Variants in ST7 observed in about 807,000 individuals in gnomAD.
ST7 encodes the protein suppression of tumorigenicity 7.
In ST7, 28 loss-of-function variants were observed where a neutral mutation model predicts 78.7. The ratio of observed to expected loss-of-function variants is 0.36; its 90% CI spans 0.26 to 0.49. The LOEUF (loss-of-function observed/expected upper bound fraction) is 0.49, where lower values mean the gene tolerates loss of function less well. ST7 is among the 20% of genes least tolerant of loss of function. The pLI, the probability that ST7 is intolerant of heterozygous loss-of-function variation, is 0.99. For missense variants in ST7, 418 were observed against 696.0 expected (o/e 0.60, Z 4.49); for synonymous variants, 247 against 249.6 (o/e 0.99, Z 0.10).
intron 9 of ST7, among the ~76,000 whole-genome samples, chr7:117,163,090 G>A (rs1807281198): frequency 2.0e-5 from 3 of 152,076 alleles, no homozygotes; most frequent in Non-Finnish European, 4.4e-5. Context: ...CATCCATCTT[G>A]CTGCCAATGA....
At chr7:117,147,328 G>T (rs192446020) in intron 9 of ST7, among the ~76,000 whole-genome samples, 42 of 152,222 alleles carry the variant, frequency 2.8e-4, no homozygotes, top group African/African-American at 9.6e-4. Context: ...TAGGCTGTGG[G>T]ATTATATACG....
At chr7:117,085,560 C>A (rs1177538017) in intron 1 of ST7, among the ~76,000 whole-genome samples, 1 of 152,194 alleles carries the variant, frequency 6.6e-6, no homozygotes, top group Non-Finnish European at 1.5e-5. Flanking sequence ...CTGTGAAACT[C>A]CACATGTTCA....
At chr7:117,092,726 C>T (rs1800726846) in intron 1 of ST7, among the ~76,000 whole-genome samples, 1 of 152,128 alleles carries the variant, frequency 6.6e-6, no homozygotes, top group African/African-American at 2.4e-5. Flanking sequence ...CAGTCTGAGG[C>T]GAAGTCCCTG....
intron 1 of ST7, among the ~76,000 whole-genome samples, chr7:117,067,430 A>G (rs973490542): frequency 1.3e-5 from 2 of 152,200 alleles, no homozygotes; most frequent in African/African-American, 2.4e-5. Context: ...AGACCCCAGT[A>G]TAGAACTGAG....
intron 1 of ST7, among the ~76,000 whole-genome samples, chr7:117,011,551 G>C (rs1191958686): frequency 6.6e-6 from 1 of 152,206 alleles, no homozygotes; most frequent in Non-Finnish European, 1.5e-5. Flanking sequence ...AGATCAGAGA[G>C]GTAATGAGTG....
At chr7:116,955,144 C>T (rs751479521) in intron 1 of ST7, 15 of 470,758 alleles carry the variant, frequency 3.2e-5, no homozygotes, top group South Asian at 1.9e-4. Flanking sequence ...GTCTTCTTCG[C>T]TTTAGACAAG....
chr7:117,035,215 C>G (rs184056673), intron 1 of ST7, among the ~76,000 whole-genome samples: 39 of 150,114 alleles, frequency 2.6e-4, no homozygotes, highest in Admixed American at 2.5e-3. Flanking sequence ...GCACACCTGA[C>G]TATAGTCTGT....
At chr7:117,221,540 C>T (rs971857444) in intron 14 of ST7, among the ~76,000 whole-genome samples, 1 of 152,084 alleles carries the variant, frequency 6.6e-6, no homozygotes, top group African/African-American at 2.4e-5. Context: ...TTTGGATTTT[C>T]CAGGTTTTGT....
At chr7:117,077,844 CTTT>C (rs1186348708) in intron 1 of ST7, among the ~76,000 whole-genome samples, 9 of 120,922 alleles carry the variant, frequency 7.4e-5, no homozygotes, top group Non-Finnish European at 7.1e-5. Context: ...TGATTTCTTT[CTTT>C]TTTTTTTTTT....
At chr7:116,977,693 A>C (rs957349309) in intron 1 of ST7, among the ~76,000 whole-genome samples, 37 of 152,198 alleles carry the variant, frequency 2.4e-4, no homozygotes, top group African/African-American at 8.7e-4. Flanking sequence ...GTGGGACTAC[A>C]GGCATGTGCC....
At position 117,212,770 on chromosome 7, in the gene ST7, A is replaced by G. The variant is rs137874839; in HGVS notation, c.1405+2833A>G. Among the ~76,000 whole-genome samples, 917 of 152,302 alleles carry G rather than the reference A, an allele frequency of 6.0e-3. 1 individual carries two copies. The highest frequency in any genetic ancestry group is 0.025 in the South Asian group (123 of 4,828). On this transcript the variant is annotated intron_variant, in intron 13 of 15. Transcript: ENST00000323984. ...TGCATATGTATATATACACATATGT[A>G]TACACATATATTTAAAAAATAATAT...
intron 1 of ST7, among the ~76,000 whole-genome samples, chr7:116,976,959 A>C (rs1236160640): frequency 6.6e-6 from 1 of 152,228 alleles, no homozygotes; most frequent in Non-Finnish European, 1.5e-5. Flanking sequence ...TATTCATTTT[A>C]AAAGATTAGT....
At chr7:117,132,977 T>A (rs1031885382) in intron 6 of ST7, among the ~76,000 whole-genome samples, 2 of 152,046 alleles carry the variant, frequency 1.3e-5, no homozygotes, top group East Asian at 1.9e-4. Flanking sequence ...CAGCTCATAT[T>A]TCTCCATTTG....
At chr7:117,054,818 C>T (rs1351709617) in intron 1 of ST7, among the ~76,000 whole-genome samples, 1 of 152,162 alleles carries the variant, frequency 6.6e-6, no homozygotes, top group Non-Finnish European at 1.5e-5. Context: ...GCAGCAAATA[C>T]ATTTGGATTT....
intron 1 of ST7, among the ~76,000 whole-genome samples, chr7:117,083,298 G>A (rs1330384208): frequency 1.3e-5 from 2 of 151,982 alleles, no homozygotes; most frequent in Non-Finnish European, 2.9e-5. Context: ...TGCTCTTGAC[G>A]TCATCCAGGC....
chr7:116,969,954 A>C (rs1793327679), intron 1 of ST7, among the ~76,000 whole-genome samples: 3 of 152,150 alleles, frequency 2.0e-5, no homozygotes, highest in Admixed American at 6.5e-5. Flanking sequence ...GCATGCCTGT[A>C]ATCTCAGCTA....
At chr7:116,998,685 G>GGACATACT (rs1420774220) in intron 1 of ST7, among the ~76,000 whole-genome samples, 1 of 152,186 alleles carries the variant, frequency 6.6e-6, no homozygotes, top group Non-Finnish European at 1.5e-5. Flanking sequence ...TTTTCTTCCA[G>GGACATACT]GACATACTGT....
intron 1 of ST7, among the ~76,000 whole-genome samples, chr7:116,990,015 A>G (rs1794356956): frequency 6.6e-6 from 1 of 152,116 alleles, no homozygotes; most frequent in South Asian, 2.1e-4. Context: ...ATCTCGGCTC[A>G]CTGCATCCTC....
intron 1 of ST7, among the ~76,000 whole-genome samples, chr7:117,048,218 G>A (rs1466283085): frequency 1.3e-5 from 2 of 152,104 alleles, no homozygotes; most frequent in African/African-American, 4.8e-5. Context: ...AGAGATGGAG[G>A]AGGTGAAAGG....
Sources: gnomAD v4.1 joint callset for allele counts (sites outside exome capture counted in the v4.1 genomes callset) on GRCh38, gnomAD v4.1.1 for gene constraint, MANE v1.5 for transcripts, NCBI Gene and HGNC (gene_info 2026-07-23, HGNC 2026-07-21) for gene names.